The following NCKAP5 variants were observed in gnomAD, a reference collection of about 807,000 sequenced individuals.
NCKAP5 encodes the protein NCK associated protein 5.
Under a neutral mutation model 167.0 loss-of-function variants are expected in NCKAP5, and 92 were observed. The ratio of observed to expected loss-of-function variants is 0.55; its 90% CI spans 0.47 to 0.66. NCKAP5 has a LOEUF of 0.66. NCKAP5 is among the 30% of genes least tolerant of loss of function. NCKAP5 has a pLI of 0.00. For synonymous variants in NCKAP5, 891 were observed against 877.4 expected (o/e 1.02, Z -0.27); for missense variants, 2,378 against 2,315.0 (o/e 1.03, Z -0.56).
intron 6 of NCKAP5, among the ~76,000 whole-genome samples, chr2:133,027,347 A>G (rs2078732633): frequency 6.6e-6 from 1 of 152,318 alleles, no homozygotes; most frequent in Admixed American, 6.5e-5. Context: ...TCACTAAACA[A>G]TTTATTGGTA....
At chr2:133,489,910 TA>T (rs1681288119) in intron 3 of NCKAP5, among the ~76,000 whole-genome samples, 1 of 152,182 alleles carries the variant, frequency 6.6e-6, no homozygotes, top group Non-Finnish European at 1.5e-5. Context: ...ACCAACTCTG[TA>T]AATCTATGGA....
chr2:132,789,322 G>A (rs1157470322), intron 13 of NCKAP5, among the ~76,000 whole-genome samples: 1 of 152,182 alleles, frequency 6.6e-6, no homozygotes, highest in Admixed American at 6.5e-5. Context: ...CAACTCCTTA[G>A]AGGGAGCAAT....
the NCKAP5 span, among the ~76,000 whole-genome samples, chr2:133,638,243 T>C: frequency 1.3e-5 from 2 of 152,070 alleles, no homozygotes; most frequent in African/African-American, 4.8e-5. Context: ...GACAGGTAGA[T>C]CTAATCAAGC....
chr2:133,337,101 G>C (rs1198837320), intron 3 of NCKAP5, among the ~76,000 whole-genome samples: 1 of 152,112 alleles, frequency 6.6e-6, no homozygotes, highest in East Asian at 1.9e-4. Context: ...TTTGTTTTCT[G>C]ATCCCCCACT....
chr2:132,683,087 T>A (rs567692530), intron 19 of NCKAP5, among the ~76,000 whole-genome samples: 1 of 152,042 alleles, frequency 6.6e-6, no homozygotes, highest in African/African-American at 2.4e-5. Context: ...TTTCACCATG[T>A]TGGCCAGGCT....
intron 2 of NCKAP5, among the ~76,000 whole-genome samples, chr2:133,535,707 A>G (rs1446716760): frequency 2.6e-5 from 4 of 152,128 alleles, no homozygotes; most frequent in African/African-American, 4.8e-5. Flanking sequence ...TTCTTTGACA[A>G]ATCTCCATAC....
intron 3 of NCKAP5, among the ~76,000 whole-genome samples, chr2:133,432,338 T>C (rs1175623884): frequency 6.6e-6 from 1 of 152,240 alleles, no homozygotes; most frequent in African/African-American, 2.4e-5. Flanking sequence ...GAAATGCTGA[T>C]ACCCTAAACA....
At chr2:133,550,627 CCA>C (rs1353813735) in intron 2 of NCKAP5, among the ~76,000 whole-genome samples, 4 of 107,524 alleles carry the variant, frequency 3.7e-5, no homozygotes, top group African/African-American at 1.1e-4. Flanking sequence ...TATGACAAAC[CCA>C]CAGCCAATAT....
chr2:132,767,244 T>G (rs1458538598), intron 16 of NCKAP5, among the ~76,000 whole-genome samples: 1 of 149,234 alleles, frequency 6.7e-6, no homozygotes. Flanking sequence ...TTCTTCTTTT[T>G]TTCTTTTTTT....
At chr2:133,536,346 T>G (rs1229803393) in intron 2 of NCKAP5, among the ~76,000 whole-genome samples, 1 of 152,156 alleles carries the variant, frequency 6.6e-6, no homozygotes, top group Non-Finnish European at 1.5e-5. Context: ...GTTTCATTCT[T>G]CTACATATGG....
intron 4 of NCKAP5, among the ~76,000 whole-genome samples, chr2:133,279,192 AAGTGCATAGGC>A (rs2089849965): frequency 6.6e-6 from 1 of 152,176 alleles, no homozygotes; most frequent in African/African-American, 2.4e-5. Flanking sequence ...AATAATACAA[AAGTGCATAGGC>A]ACTTTGTTTA....
intron 11 of NCKAP5, among the ~76,000 whole-genome samples, chr2:132,812,439 T>G (rs1178876710): frequency 2.0e-5 from 3 of 152,156 alleles, no homozygotes; most frequent in Non-Finnish European, 2.9e-5. Flanking sequence ...AACCTGGACA[T>G]AAACTTAAGG....
chr2:132,827,226 A>G (rs1032955092), intron 11 of NCKAP5, among the ~76,000 whole-genome samples: 23 of 152,202 alleles, frequency 1.5e-4, no homozygotes, highest in Non-Finnish European at 1.0e-4. Flanking sequence ...TTTAATTTAA[A>G]AAAGAGCATT....
intron 16 of NCKAP5, among the ~76,000 whole-genome samples, chr2:132,757,498 A>G (rs1180380646): frequency 6.6e-6 from 1 of 152,174 alleles, no homozygotes; most frequent in Non-Finnish European, 1.5e-5. Flanking sequence ...GAATTCATTC[A>G]AGCCAAGAAC....
chr2:132,752,041 A>G (rs1680157813), intron 16 of NCKAP5, among the ~76,000 whole-genome samples: 1 of 152,252 alleles, frequency 6.6e-6, no homozygotes, highest in Non-Finnish European at 1.5e-5. Flanking sequence ...TCCAGTCAGC[A>G]CAATTATCTA....
chr2:133,288,917 T>C (rs1022525603), intron 4 of NCKAP5, among the ~76,000 whole-genome samples: 5 of 152,238 alleles, frequency 3.3e-5, no homozygotes, highest in Non-Finnish European at 7.3e-5. Context: ...GTAAAAATTA[T>C]AGATTTTTAA....
intron 3 of NCKAP5, among the ~76,000 whole-genome samples, chr2:133,444,381 TA>T (rs1349213644): frequency 2.0e-5 from 3 of 150,482 alleles, no homozygotes; most frequent in Non-Finnish European, 1.5e-5. Flanking sequence ...GATAGATAGA[TA>T]GATAGATAGA....
At chr2:132,986,997 G>A (rs148122941) in intron 7 of NCKAP5, among the ~76,000 whole-genome samples, 2 of 152,248 alleles carry the variant, frequency 1.3e-5, no homozygotes, top group African/African-American at 4.8e-5. Context: ...GGTGATCGAG[G>A]CCCTCTGTTT....
chr2:132,904,260 C>A (rs1023690918), intron 8 of NCKAP5, among the ~76,000 whole-genome samples: 2 of 149,354 alleles, frequency 1.3e-5, no homozygotes, highest in Non-Finnish European at 3.0e-5. Context: ...TGCACTCCAG[C>A]CTGGGCAACA....
Sources: gnomAD v4.1 joint callset for allele counts (sites outside exome capture counted in the v4.1 genomes callset) on GRCh38, gnomAD v4.1.1 for gene constraint, MANE v1.5 for transcripts, NCBI Gene and HGNC (gene_info 2026-07-23, HGNC 2026-07-21) for gene names.